Variants in CABIN1 observed in about 807,000 individuals in gnomAD.
CABIN1 encodes the protein calcineurin binding protein 1, also known as calcineurin-binding protein cabin-1.
Under a neutral mutation model 227.7 loss-of-function variants are expected in CABIN1, and 133 were observed. The observed-to-expected ratio is 0.58, with a 90% CI of 0.51 to 0.67. CABIN1 has a LOEUF of 0.67. Ranked by LOEUF, CABIN1 falls within the 30% of genes least tolerant of loss-of-function variation. The pLI is 0.00. For synonymous variants in CABIN1, 1,086 were observed against 1,155.1 expected, an observed-to-expected ratio of 0.94 and a Z score of 1.21; for missense variants, 2,408 against 2,852.5, an observed-to-expected ratio of 0.84 and a Z score of 3.55.
At chr22:24,172,527 C>CAGA (rs2046878079) in intron 34 of CABIN1, among the ~76,000 whole-genome samples, 1 of 152,196 alleles carries the variant, frequency 6.6e-6, no homozygotes, top group African/African-American at 2.4e-5. Flanking sequence ...ATGGGCAAGA[C>CAGA]AGAAGCCAGC....
chr22:24,066,495 G>A (rs960410274), intron 15 of CABIN1, among the ~76,000 whole-genome samples: 1 of 152,212 alleles, frequency 6.6e-6, no homozygotes, highest in Non-Finnish European at 1.5e-5. Context: ...TGTCCACACT[G>A]GCTGAAAGTG....
chr22:24,035,432 T>C lies in CABIN1; in HGVS notation c.-74-12T>C. ...ATAGGCCTTGTCTCAGTTTGTCCTA[T>C]TTCCTTTCTAGGAGAGTTGTGGACT... On this transcript the variant is annotated splice_polypyrimidine_tract_variant and intron_variant, in intron 1 of 36. Transcript: ENST00000263119. 1 of 1,578,824 alleles carries C rather than the reference T, an allele frequency of 6.3e-7. No individual in the cohort carries two copies. The highest frequency in any genetic ancestry group is 8.7e-7 in the Non-Finnish European group (1 of 1,147,944).
intron 6 of CABIN1, among the ~76,000 whole-genome samples, chr22:24,043,308 T>A (rs1032554149): frequency 1.7e-5 from 2 of 115,608 alleles, no homozygotes; most frequent in African/African-American, 4.9e-5. Flanking sequence ...ATGATTTTAC[T>A]TTTTTTTTTT....
intron 31 of CABIN1, among the ~76,000 whole-genome samples, 164 bp downstream of exon 31, chr22:24,165,790 G>A (rs1353762211): frequency 6.6e-6 from 1 of 152,184 alleles, no homozygotes; most frequent in Non-Finnish European, 1.5e-5. Context: ...GGCAGGGAAG[G>A]TCAGCCGTGG....
chr22:24,062,806 T>G (rs2039295901), intron 13 of CABIN1, among the ~76,000 whole-genome samples, 153 bp from the exon 14 acceptor site: 1 of 152,180 alleles, frequency 6.6e-6, no homozygotes, highest in South Asian at 2.1e-4. Context: ...ACCTCTCTGA[T>G]GCCTGCCACT....
At chr22:24,116,355 G>A (rs1007866846) in intron 27 of CABIN1, among the ~76,000 whole-genome samples, 1 of 152,244 alleles carries the variant, frequency 6.6e-6, no homozygotes, top group Non-Finnish European at 1.5e-5. Context: ...CACCTGTTGT[G>A]ATCCAGGCAG....
chr22:24,044,848 A>G (rs1040798342), intron 6 of CABIN1, among the ~76,000 whole-genome samples: 2 of 151,648 alleles, frequency 1.3e-5, no homozygotes, highest in Non-Finnish European at 2.9e-5. Context: ...CATTCTGTAC[A>G]TGATTATTTA....
At chr22:24,033,650 A>G (rs2036659481) in intron 1 of CABIN1, among the ~76,000 whole-genome samples, 1 of 152,122 alleles carries the variant, frequency 6.6e-6, no homozygotes, top group Non-Finnish European at 1.5e-5. Context: ...TCCTCGGGCC[A>G]GCCTCCCAGG....
intron 15 of CABIN1, among the ~76,000 whole-genome samples, chr22:24,064,917 T>C (rs2039498475): frequency 6.6e-6 from 1 of 152,120 alleles, no homozygotes; most frequent in African/African-American, 2.4e-5. Context: ...TGTCTACTTC[T>C]TTCTACACAG....
intron 27 of CABIN1, among the ~76,000 whole-genome samples, chr22:24,115,367 G>C (rs181403141): frequency 3.3e-5 from 5 of 152,302 alleles, no homozygotes; most frequent in Admixed American, 3.3e-4. Context: ...TAGAGCCAGT[G>C]GTTTAAGCAG....
chr22:24,147,534 G>A (rs541636391), intron 29 of CABIN1, among the ~76,000 whole-genome samples: 3 of 149,470 alleles, frequency 2.0e-5, no homozygotes, highest in Non-Finnish European at 3.0e-5. Context: ...ACTAAATCTC[G>A]ACCTCCCATG....
chr22:24,122,954 CAG>C (rs1340412533), intron 28 of CABIN1, among the ~76,000 whole-genome samples: 1 of 152,126 alleles, frequency 6.6e-6, no homozygotes, highest in Non-Finnish European at 1.5e-5. Flanking sequence ...GAGGGTCACA[CAG>C]AGCTGAGTGA....
At chr22:24,138,304 C>T (rs1312899895) in intron 29 of CABIN1, among the ~76,000 whole-genome samples, 1 of 152,176 alleles carries the variant, frequency 6.6e-6, no homozygotes, top group Non-Finnish European at 1.5e-5. Flanking sequence ...TCACCTAGGC[C>T]CTTGGGGGCC....
At chr22:24,157,102 G>T (rs1005394163) in intron 29 of CABIN1, among the ~76,000 whole-genome samples, 2 of 152,142 alleles carry the variant, frequency 1.3e-5, no homozygotes, top group African/African-American at 4.8e-5. Flanking sequence ...AGGCCAGGGC[G>T]CCCCTGGTGG....
At chr22:24,025,991 G>A (rs1303045783) in intron 1 of CABIN1, among the ~76,000 whole-genome samples, 5 of 152,040 alleles carry the variant, frequency 3.3e-5, no homozygotes, top group African/African-American at 9.7e-5. Context: ...GTGCCTCCAC[G>A]CCCAGCTAAT....
chr22:24,155,108 G>A (rs2045705588), intron 29 of CABIN1, among the ~76,000 whole-genome samples: 1 of 152,162 alleles, frequency 6.6e-6, no homozygotes, highest in African/African-American at 2.4e-5. Context: ...GCCTTTCCTT[G>A]GCCTCCCCTC....
intron 17 of CABIN1, 56 bp from the exon 18 acceptor site, chr22:24,072,298 C>T (rs2040145411): frequency 6.3e-7 from 1 of 1,598,342 alleles, no homozygotes; most frequent in Non-Finnish European, 8.6e-7. Context: ...CTTCAGTCTG[C>T]CCTGAAGGCT....
intron 26 of CABIN1, among the ~76,000 whole-genome samples, chr22:24,109,306 C>T (rs994202542): frequency 2.0e-5 from 3 of 151,564 alleles, no homozygotes; most frequent in African/African-American, 7.3e-5. Flanking sequence ...CTCAGTGCAG[C>T]CTCAACCTCC....
intron 24 of CABIN1, among the ~76,000 whole-genome samples, chr22:24,093,674 TCA>T (rs1475931362): frequency 6.6e-6 from 1 of 152,124 alleles, no homozygotes; most frequent in East Asian, 1.9e-4. Context: ...GCTGGGGATC[TCA>T]GAGACTAGCG....
Sources: allele counts gnomAD v4.1 joint callset (sites outside exome capture counted in the v4.1 genomes callset), GRCh38; gene constraint gnomAD v4.1.1; transcripts MANE v1.5; gene names NCBI Gene and HGNC (gene_info 2026-07-23, HGNC 2026-07-21).